The following KLC1 variants were observed in gnomAD, a reference collection of about 807,000 sequenced individuals.
The protein encoded by KLC1 is kinesin 2 60/70kDa.
KLC1 carries 30 observed loss-of-function variants against 84.2 expected under a neutral mutation model. The ratio of observed to expected loss-of-function variants is 0.36; its 90% CI spans 0.27 to 0.48. The LOEUF (loss-of-function observed/expected upper bound fraction) is 0.48. KLC1 is among the 20% of genes least tolerant of loss of function. The pLI is 0.99. For missense variants in KLC1, 499 were observed against 805.4 expected (o/e 0.62, Z 4.60); for synonymous variants, 289 against 293.3 (o/e 0.99, Z 0.15).
intron 1 of KLC1, among the ~76,000 whole-genome samples, chr14:103,644,503 C>T (rs1177853856): frequency 6.6e-6 from 1 of 152,116 alleles, no homozygotes; most frequent in Non-Finnish European, 1.5e-5. Flanking sequence ...TCCTGATCCA[C>T]CCGCTTCAGC....
rs748028420 is a variant in KLC1, at chr14:103,675,740, G to A, written c.1363G>A (p.Ala455Thr). The A allele has an allele frequency of 6.2e-7, 1 of 1,613,880 alleles. No individual in the cohort carries two copies. Among genetic ancestry groups the A allele is most frequent in the Admixed American group, 1.7e-5 (1 of 59,998 alleles). ...TGGAGAGTATGGCGGCTGGTACAAA[G>A]CCTGCAAAGTTGATAGGTATGTCTG... is the stretch of plus-strand genomic sequence containing the variant. ...SFGEYGGWYK[A>T]CKVDSPTVTT... Residue 455 changes from alanine to threonine, a missense_variant, in exon 11 of 17, where the codon GCC becomes ACC. Transcript: ENST00000334553.
At chr14:103,662,250 T>C in intron 4 of KLC1, 56 bp downstream of exon 4, 2 of 1,347,570 alleles carry the variant, frequency 1.5e-6, no homozygotes, top group Admixed American at 1.7e-5. Context: ...GTGTTCCTCC[T>C]AGAACACGGT....
chr14:103,638,533 T>C (rs1385268640), intron 1 of KLC1, among the ~76,000 whole-genome samples: 3 of 151,458 alleles, frequency 2.0e-5, no homozygotes, highest in African/African-American at 7.3e-5. Context: ...TTTTTTTTTC[T>C]TAACTTTCTT....
At position 103,693,503 on chromosome 14, in the gene KLC1, C is replaced by CATTTG; in HGVS notation, c.1848+1080_1848+1084dup. ...GCCTGAGGCCATTTGAAGCTGGCAT[C>CATTTG]ATTTGAAGTCCTGGTTAAGTGTAAT... is the stretch of plus-strand genomic sequence containing the variant. On this transcript the variant is annotated intron_variant, in intron 15 of 16. Transcript: ENST00000334553. The surrounding 1 kb of genome is among the most constrained non-coding windows in gnomAD (Gnocchi z 5.1). 6.5e-7 allele frequency: 1 copy of CATTTG among 1,535,274 alleles called. No individual in the cohort carries two copies. Among genetic ancestry groups the CATTTG allele is most frequent in the Non-Finnish European group, 8.7e-7 (1 of 1,146,436 alleles).
intron 1 of KLC1, among the ~76,000 whole-genome samples, chr14:103,632,972 T>C (rs1372877392): frequency 6.6e-6 from 1 of 151,442 alleles, no homozygotes; most frequent in Non-Finnish European, 1.5e-5. Flanking sequence ...GACATGGGAG[T>C]GAGTGTGGAA....
intron 1 of KLC1, among the ~76,000 whole-genome samples, chr14:103,637,359 G>A (rs188384996): frequency 2.0e-5 from 3 of 151,606 alleles, no homozygotes; most frequent in African/African-American, 2.4e-5. Flanking sequence ...GTGAAACCCC[G>A]TCTCTACTAA....
intron 14 of KLC1, among the ~76,000 whole-genome samples, chr14:103,688,815 G>A (rs554930740): frequency 6.6e-6 from 1 of 152,268 alleles, no homozygotes; most frequent in African/African-American, 2.4e-5. Flanking sequence ...AAGATCCCAA[G>A]GATTTGAAGA....
At chr14:103,685,286 GT>G in intron 13 of KLC1, 1 of 1,348,600 alleles carries the variant, frequency 7.4e-7, no homozygotes, top group Non-Finnish European at 9.5e-7. Context: ...TGGTCCCTAT[GT>G]TTTTCATTGC....
chr14:103,699,631 A>T, intron 15 of KLC1: 1 of 1,580,310 alleles, frequency 6.3e-7, no homozygotes, highest in Non-Finnish European at 8.7e-7. Context: ...GCCCCAGGTG[A>T]CCAGACCCCG....
chr14:103,655,058 C>T (rs1419362721), intron 2 of KLC1, among the ~76,000 whole-genome samples: 1 of 151,916 alleles, frequency 6.6e-6, no homozygotes, highest in Non-Finnish European at 1.5e-5. Flanking sequence ...GAAACCCTGA[C>T]TCTACTAAAA....
In KLC1 at chr14:103,694,936, G is replaced by A. The variant is rs1210004326; in HGVS notation, c.1848+2511G>A. The A allele has an allele frequency of 6.1e-6, 6 of 985,342 alleles. No homozygotes were observed. Among genetic ancestry groups the A allele is most frequent in the Middle Eastern group, 5.2e-4 (1 of 1,936 alleles). 61.0% of individuals were successfully genotyped at this position (985,342 alleles called of 1,614,324 possible). A position where few individuals can be genotyped will look rare whatever the true frequency, so the allele number is the denominator to read the frequency against. ...CGTTTGTTTCCACAAGACAAGCTCC[G>A]TGTAGTCGCCAGCGGGTGCCTGGCC... On this transcript the variant is annotated intron_variant, in intron 15 of 16. Transcript: ENST00000334553. The surrounding 1 kb of genome is among the most constrained non-coding windows in gnomAD (Gnocchi z 4.5).
chr14:103,671,823 A>G (rs912142621), intron 7 of KLC1, among the ~76,000 whole-genome samples: 2 of 152,242 alleles, frequency 1.3e-5, no homozygotes, highest in African/African-American at 4.8e-5. Context: ...CATGCTGTCA[A>G]TCTGCATGAT....
chr14:103,636,669 C>G (rs2077066721), intron 1 of KLC1, among the ~76,000 whole-genome samples: 1 of 151,936 alleles, frequency 6.6e-6, no homozygotes, highest in African/African-American at 2.4e-5. Flanking sequence ...CTGTTCAAGA[C>G]TTTTGCCCAT....
intron 12 of KLC1, among the ~76,000 whole-genome samples, chr14:103,677,961 C>T (rs1206642491): frequency 2.9e-5 from 4 of 136,272 alleles, no homozygotes; most frequent in Admixed American, 7.5e-5. Flanking sequence ...AACGAGACTC[C>T]GTCTCAATTT....
At chr14:103,666,598 CT>C (rs754602644) in intron 5 of KLC1, among the ~76,000 whole-genome samples, 350 of 141,284 alleles carry the variant, frequency 2.5e-3, no homozygotes, top group Middle Eastern at 7.1e-3. Context: ...TCATTTAATT[CT>C]TTTTTTTTTT....
chr14:103,660,659 G>A (rs955134101), intron 3 of KLC1, among the ~76,000 whole-genome samples: 2 of 151,752 alleles, frequency 1.3e-5, no homozygotes, highest in Non-Finnish European at 2.9e-5. Flanking sequence ...GGGTGTGGTA[G>A]AGTGCACCTG....
chr14:103,669,616 TTTCA>T lies in KLC1; in HGVS notation c.885+22_885+25del. On this transcript the variant is annotated intron_variant, in intron 6 of 16. Coordinates refer to ENST00000334553, the MANE Select transcript of KLC1 (RefSeq NM_001394837.1). ...ATCCTGCGGTTTGTATATCCAGTTC[TTTCA>T]TTCTTTTAATATTTTATTTTCCCCA... 1 of 1,465,504 alleles carries T rather than the reference TTTCA, an allele frequency of 6.8e-7. No homozygotes were observed. Among genetic ancestry groups the T allele is most frequent in the African/African-American group, 1.4e-5 (1 of 71,546 alleles). The allele number at this position is 1,465,504 out of a possible 1,614,324, so 90.8% of individuals were successfully genotyped here.
intron 13 of KLC1, 50 bp downstream of exon 13, chr14:103,679,595 G>T (rs201552029): frequency 2.8e-6 from 4 of 1,437,952 alleles, no homozygotes; most frequent in Admixed American, 1.7e-5. Context: ...CCCCCAAGTG[G>T]CGCTTGCCAG....
At chr14:103,696,197 G>C (rs1375951210) in intron 15 of KLC1, 6 of 984,240 alleles carry the variant, frequency 6.1e-6, no homozygotes, top group African/African-American at 1.8e-5. Context: ...CATATCTCTG[G>C]GTAGTTGGTG....
Sources: gnomAD v4.1 joint callset for allele counts (sites outside exome capture counted in the v4.1 genomes callset) on GRCh38, gnomAD v4.1.1 for gene constraint, Gnocchi (gnomAD v3.1) non-coding constraint, MANE v1.5 for transcripts, NCBI Gene and HGNC (gene_info 2026-07-23, HGNC 2026-07-21) for gene names.